The following CAST variants were observed in gnomAD, a reference collection of about 807,000 sequenced individuals.
CAST encodes the protein MIR583 host.
In CAST, 76 loss-of-function variants were observed where a neutral mutation model predicts 119.6. That is an observed-to-expected ratio of 0.64 (90% CI 0.53 to 0.77). The LOEUF (loss-of-function observed/expected upper bound fraction) is 0.77. Ranked by LOEUF, CAST falls within the 30% of genes least tolerant of loss-of-function variation. CAST has a pLI of 0.00. For missense variants in CAST, 953 were observed against 946.5 expected, an observed-to-expected ratio of 1.01 and a Z score of -0.09; for synonymous variants, 319 against 331.6, an observed-to-expected ratio of 0.96 and a Z score of 0.41.
chr5:96,256,210 TTACA>T, the CAST span, among the ~76,000 whole-genome samples: 12 of 148,414 alleles, frequency 8.1e-5, no homozygotes, highest in African/African-American at 2.7e-4. Context: ...ATATATAAAC[TTACA>T]TATATATTAT....
At chr5:96,050,069 G>A in the CAST span, 1 of 152,154 alleles carries the variant, frequency 6.6e-6, no homozygotes, top group South Asian at 2.1e-4. Context: ...GCTAAGGTTT[G>A]CACTGGGAAA....
the CAST span, among the ~76,000 whole-genome samples, chr5:96,422,932 A>G: frequency 6.9e-6 from 1 of 145,062 alleles, no homozygotes; most frequent in African/African-American, 2.9e-5. Flanking sequence ...TGTCAGGGAT[A>G]TAGACTCATA....
chr5:96,190,579 T>G, the CAST span, among the ~76,000 whole-genome samples: 1 of 152,148 alleles, frequency 6.6e-6, no homozygotes, highest in African/African-American at 2.4e-5. Flanking sequence ...TGTTGATTCA[T>G]CTCTCTTCTT....
the CAST span, among the ~76,000 whole-genome samples, chr5:96,248,942 TAGG>T: frequency 6.6e-6 from 1 of 152,232 alleles, no homozygotes; most frequent in East Asian, 1.9e-4. Context: ...CATGTATTGT[TAGG>T]AGAAGGTTTG....
At chr5:96,405,448 A>G in the CAST span, among the ~76,000 whole-genome samples, 1 of 152,176 alleles carries the variant, frequency 6.6e-6, no homozygotes, top group African/African-American at 2.4e-5. Flanking sequence ...GAGACTGTCC[A>G]TCAGAGACTG....
chr5:96,394,385 A>AT, the CAST span, among the ~76,000 whole-genome samples: 1 of 152,216 alleles, frequency 6.6e-6, no homozygotes. Flanking sequence ...GTTGCCAAGA[A>AT]GTGTCAGTTA....
chr5:96,263,720 C>T, the CAST span, among the ~76,000 whole-genome samples: 1 of 152,082 alleles, frequency 6.6e-6, no homozygotes, highest in African/African-American at 2.4e-5. Flanking sequence ...GTACCTGAGA[C>T]CAGGTAATTT....
At chr5:96,447,887 T>G in the CAST span, among the ~76,000 whole-genome samples, 6 of 152,124 alleles carry the variant, frequency 3.9e-5, no homozygotes, top group Non-Finnish European at 8.8e-5. Flanking sequence ...ATGTCCGCTC[T>G]GATCTTTATG....
At chr5:96,283,258 A>T in the CAST span, among the ~76,000 whole-genome samples, 1 of 152,148 alleles carries the variant, frequency 6.6e-6, no homozygotes, top group Non-Finnish European at 1.5e-5. Context: ...ATTGGCTTCT[A>T]CAAGCAACTG....
At chr5:96,186,110 C>A in the CAST span, among the ~76,000 whole-genome samples, 6 of 152,212 alleles carry the variant, frequency 3.9e-5, no homozygotes, top group African/African-American at 9.6e-5. Flanking sequence ...CTTTTTGTAG[C>A]AATTGTGAAT....
the CAST span, among the ~76,000 whole-genome samples, chr5:96,268,996 T>G: frequency 6.6e-6 from 1 of 152,176 alleles, no homozygotes; most frequent in Admixed American, 6.6e-5. Flanking sequence ...TTGTTCTCTC[T>G]TGCTACTGCT....
chr5:96,580,359 T>A (rs372244425), intron 1 of CAST, among the ~76,000 whole-genome samples: 26 of 152,248 alleles, frequency 1.7e-4, no homozygotes, highest in Non-Finnish European at 1.2e-4. Flanking sequence ...AAAATGTTCA[T>A]GATTAACTAA....
the CAST span, among the ~76,000 whole-genome samples, chr5:96,111,884 C>T: frequency 1.3e-5 from 2 of 152,042 alleles, no homozygotes; most frequent in South Asian, 2.1e-4. Flanking sequence ...TGACCTCAAG[C>T]AGTCCTTCCA....
the CAST span, among the ~76,000 whole-genome samples, chr5:96,253,885 G>A: frequency 6.6e-6 from 1 of 151,802 alleles, no homozygotes; most frequent in South Asian, 2.1e-4. Flanking sequence ...CGCCTACTTT[G>A]GTACATACCT....
the CAST span, among the ~76,000 whole-genome samples, chr5:96,055,409 C>T: frequency 6.6e-6 from 1 of 152,094 alleles, no homozygotes; most frequent in Admixed American, 6.6e-5. Flanking sequence ...ATAAATGTTA[C>T]TAGATGGTGT....
the CAST span, among the ~76,000 whole-genome samples, chr5:96,318,010 A>G: frequency 6.6e-6 from 1 of 152,242 alleles, no homozygotes; most frequent in African/African-American, 2.4e-5. Context: ...AGCTATGATA[A>G]TGCTATCATG....
chr5:96,425,987 T>C, the CAST span: 1 of 931,526 alleles, frequency 1.1e-6, no homozygotes, highest in African/African-American at 1.6e-5. Flanking sequence ...TCTGTATACT[T>C]CCTCTAACTA....
intron 1 of CAST, among the ~76,000 whole-genome samples, chr5:96,578,469 T>C (rs1189848711): frequency 6.6e-6 from 1 of 152,036 alleles, no homozygotes; most frequent in Non-Finnish European, 1.5e-5. Flanking sequence ...ATTTTACTAT[T>C]TGTTTTCTGT....
chr5:96,288,859 A>G, the CAST span, among the ~76,000 whole-genome samples: 2 of 152,106 alleles, frequency 1.3e-5, no homozygotes, highest in African/African-American at 2.4e-5. Context: ...CTGCAACTAG[A>G]TGAGGTTGAG....
Sources: gnomAD v4.1 joint callset for allele counts (sites outside exome capture counted in the v4.1 genomes callset) on GRCh38, gnomAD v4.1.1 for gene constraint, MANE v1.5 for transcripts, NCBI Gene and HGNC (gene_info 2026-07-23, HGNC 2026-07-21) for gene names.